Variants in LRRFIP1 observed in about 807,000 individuals in gnomAD.
The protein encoded by LRRFIP1 is leucine-rich repeat flightless-interacting protein 1.
In LRRFIP1, 62 loss-of-function variants were observed where a neutral mutation model predicts 104.4. The ratio of observed to expected loss-of-function variants is 0.59; its 90% CI spans 0.48 to 0.73. The LOEUF (loss-of-function observed/expected upper bound fraction) is 0.73, where lower values mean the gene tolerates loss of function less well. Ranked by LOEUF, LRRFIP1 falls within the 30% of genes least tolerant of loss-of-function variation. The pLI is 0.00. For missense variants in LRRFIP1, 796 were observed against 824.5 expected (o/e 0.97, Z 0.42); for synonymous variants, 300 against 299.0 (o/e 1.00, Z -0.03).
chr2:237,707,461 G>GAAAAAAAAAAAA (rs112902148), intron 1 of LRRFIP1, among the ~76,000 whole-genome samples: 2 of 82,544 alleles, frequency 2.4e-5, no homozygotes, highest in Non-Finnish European at 3.0e-5. Context: ...AAAGGAAAAA[G>GAAAAAAAAAAAA]AAAAAAAAAA....
Position 237,749,232 on chromosome 2 carries a change from A to C in LRRFIP1, c.703A>C (p.Thr235Pro). ...SRNMPGLSAA[T>P]LASLGGTSSR... is the part of the protein sequence containing the mutation. ...TAACATGCCGGGCCTGTCTGCAGCCACGCTGGCCTCTCTGGGTGGGACTTC... is the reference window on the plus strand; with the variant it reads ...TAACATGCCGGGCCTGTCTGCAGCCCCGCTGGCCTCTCTGGGTGGGACTTC... Residue 235 changes from threonine (T) to proline (P), a missense_variant, in exon 13 of 24, where the codon ACG (threonine) becomes CCG (proline). Transcript: ENST00000308482. 1 of 1,613,738 alleles carries C rather than the reference A, an allele frequency of 6.2e-7. No homozygotes were observed. The highest frequency in any genetic ancestry group is 8.5e-7 in the Non-Finnish European group (1 of 1,179,974).
chr2:237,745,558 G>A (rs2057729379), intron 11 of LRRFIP1, among the ~76,000 whole-genome samples: 1 of 152,054 alleles, frequency 6.6e-6, no homozygotes, highest in Non-Finnish European at 1.5e-5. Flanking sequence ...ACGGTTACAA[G>A]CAAAACCATG....
chr2:237,685,050 A>G (rs926996377), intron 1 of LRRFIP1, among the ~76,000 whole-genome samples: 1 of 151,874 alleles, frequency 6.6e-6, no homozygotes, highest in Non-Finnish European at 1.5e-5. Flanking sequence ...GTGAGCCAAG[A>G]TTGTGCCATT....
intron 1 of LRRFIP1, among the ~76,000 whole-genome samples, chr2:237,674,259 T>C (rs1575370959): frequency 6.6e-6 from 1 of 152,150 alleles, no homozygotes; most frequent in African/African-American, 2.4e-5. Context: ...AAGTGGGTGG[T>C]GGGGTATTAC....
intron 1 of LRRFIP1, among the ~76,000 whole-genome samples, chr2:237,693,074 C>G (rs1055299384): frequency 6.6e-6 from 1 of 152,222 alleles, no homozygotes; most frequent in African/African-American, 2.4e-5. Flanking sequence ...AGGATTTTGC[C>G]GTTGTCCAGC....
At chr2:237,750,019 G>A (rs1456327904) in intron 13 of LRRFIP1, among the ~76,000 whole-genome samples, 2 of 152,172 alleles carry the variant, frequency 1.3e-5, no homozygotes, top group African/African-American at 2.4e-5. Context: ...AACCAAGACA[G>A]AAGCAGCTGA....
chr2:237,627,894 C>T (rs2081805507), intron 1 of LRRFIP1, among the ~76,000 whole-genome samples, 154 bp downstream of exon 1: 1 of 150,688 alleles, frequency 6.6e-6, no homozygotes, highest in Non-Finnish European at 1.5e-5. Flanking sequence ...CGCGCCGGGG[C>T]GCTGATCCCC....
chr2:237,693,642 AG>A (rs2092965783), intron 1 of LRRFIP1, among the ~76,000 whole-genome samples: 1 of 152,156 alleles, frequency 6.6e-6, no homozygotes, highest in South Asian at 2.1e-4. Context: ...GGTTCTTGAA[AG>A]AAGGAAGGGT....
chr2:237,750,958 A>G (rs1443956930), intron 13 of LRRFIP1, among the ~76,000 whole-genome samples: 1 of 152,206 alleles, frequency 6.6e-6, no homozygotes, highest in Non-Finnish European at 1.5e-5. Flanking sequence ...CTGTTTTTTA[A>G]ACTGTGTAAA....
chr2:237,686,585 G>C (rs1166416350), intron 1 of LRRFIP1, among the ~76,000 whole-genome samples: 1 of 152,182 alleles, frequency 6.6e-6, no homozygotes, highest in Admixed American at 6.5e-5. Flanking sequence ...TTCATAACCT[G>C]GGGGTGGGGG....
chr2:237,727,624 T>C (rs1203216774), intron 7 of LRRFIP1, among the ~76,000 whole-genome samples: 1 of 152,152 alleles, frequency 6.6e-6, no homozygotes, highest in Non-Finnish European at 1.5e-5. Context: ...ACTTTAAAAC[T>C]AAGAGTGGCA....
intron 7 of LRRFIP1, among the ~76,000 whole-genome samples, 153 bp from the exon 8 acceptor site, chr2:237,727,723 G>A (rs2094816686): frequency 2.0e-5 from 3 of 152,206 alleles, no homozygotes; most frequent in Non-Finnish European, 2.9e-5. Context: ...ATGCAGTTTG[G>A]GAGCTGCCAG....
At chr2:237,753,790 CAA>C (rs749198309) in intron 15 of LRRFIP1, among the ~76,000 whole-genome samples, 1,401 of 74,672 alleles carry the variant, frequency 0.019, 21 homozygotes, top group African/African-American at 0.061. Flanking sequence ...GACACTGTCT[CAA>C]AAAAAAAAAA....
At chr2:237,724,050 T>C (rs1253948509) in intron 7 of LRRFIP1, among the ~76,000 whole-genome samples, 8 of 67,112 alleles carry the variant, frequency 1.2e-4, no homozygotes, top group Admixed American at 4.0e-4. Flanking sequence ...ACAATCTGAC[T>C]TTTTTTTTTT....
Position 237,710,059 on chromosome 2 carries a change from G to C in LRRFIP1, c.183+1429G>C, listed in dbSNP as rs564456300. 4.0e-5 allele frequency among the ~76,000 whole-genome samples: 6 copies of C among 151,690 alleles called. No homozygotes were observed. The South Asian group carries it at 8.4e-4, about 21-fold the overall frequency. On this transcript the variant is annotated intron_variant, in intron 2 of 23. Coordinates refer to ENST00000308482, the MANE Select transcript of LRRFIP1 (RefSeq NM_001137550.2). ...ATAGAGACGGGGTTTCACCATGTTGGCCAGACTGGTCTGAAACTCCTGATC... is the reference window on the plus strand; with the variant it reads ...ATAGAGACGGGGTTTCACCATGTTGCCCAGACTGGTCTGAAACTCCTGATC...
chr2:237,724,805 G>C (rs1559683622), intron 7 of LRRFIP1, among the ~76,000 whole-genome samples: 1 of 152,108 alleles, frequency 6.6e-6, no homozygotes, highest in Non-Finnish European at 1.5e-5. Context: ...ACACATTTTG[G>C]ATTTTTTTTT....
chr2:237,701,812 C>T (rs1024954276), intron 1 of LRRFIP1, among the ~76,000 whole-genome samples: 24 of 152,220 alleles, frequency 1.6e-4, no homozygotes, highest in African/African-American at 5.5e-4. Flanking sequence ...TGCAAAGCAC[C>T]TCCTAACATG....
At chr2:237,753,569 G>A in intron 15 of LRRFIP1, 90 bp downstream of exon 15, 1 of 1,137,558 alleles carries the variant, frequency 8.8e-7, no homozygotes. Flanking sequence ...GCCAAGGTGG[G>A]AGGATTACTT....
In LRRFIP1 at chr2:237,735,927, T is replaced by C. The variant is rs1231298537; in HGVS notation, c.555+594T>C. Among the ~76,000 whole-genome samples the C allele has an allele frequency of 6.6e-6, 1 of 152,230 alleles. No homozygotes were observed. Among genetic ancestry groups the C allele is most frequent in the Non-Finnish European group, 1.5e-5 (1 of 68,032 alleles). ...GACGAATTTGCGTGTCCCAGGGACC[T>C]GTGGAAACGGAGCGTTCAGTGCTAA... On this transcript the variant is annotated intron_variant, in intron 10 of 23. Coordinates refer to ENST00000308482, the MANE Select transcript of LRRFIP1 (RefSeq NM_001137550.2). This position sits in a 1 kb window ranked among gnomAD's most constrained non-coding sequence, Gnocchi z 4.6.
Sources: allele counts gnomAD v4.1 joint callset (sites outside exome capture counted in the v4.1 genomes callset), GRCh38; gene constraint gnomAD v4.1.1; non-coding constraint Gnocchi (gnomAD v3.1); transcripts MANE v1.5; gene names NCBI Gene and HGNC (gene_info 2026-07-23, HGNC 2026-07-21).